The following ROBO2 variants were observed in gnomAD, a reference collection of about 807,000 sequenced individuals.
The protein encoded by ROBO2 is roundabout guidance receptor 2.
ROBO2 carries 53 observed loss-of-function variants against 160.8 expected under a neutral mutation model. The ratio of observed to expected loss-of-function variants is 0.33; its 90% CI spans 0.26 to 0.41. The LOEUF (loss-of-function observed/expected upper bound fraction) is 0.41, where lower values mean the gene tolerates loss of function less well. Among genes scored for constraint, ROBO2 ranks in the 10% least tolerant of loss-of-function variants. ROBO2 has a pLI of 1.00. For synonymous variants in ROBO2, 664 were observed against 611.7 expected (o/e 1.09, Z -1.26); for missense variants, 1,577 against 1,722.4 (o/e 0.92, Z 1.49).
At chr3:77,259,306 C>G (rs1331957686) in intron 2 of ROBO2, among the ~76,000 whole-genome samples, 1 of 152,192 alleles carries the variant, frequency 6.6e-6, no homozygotes, top group Non-Finnish European at 1.5e-5. Context: ...AATTAGCGTT[C>G]ATAGAATGTA....
chr3:77,595,352 TAGAGG>T lies in ROBO2; in HGVS notation c.2726+170_2726+174del, dbSNP rs914862209. 5.1e-4 allele frequency among the ~76,000 whole-genome samples: 78 copies of T among 152,168 alleles called. 3 individuals are homozygous for T. Among genetic ancestry groups the T allele is most frequent in the Non-Finnish European group, 1.3e-4 (9 of 68,014 alleles). On this transcript the variant is annotated intron_variant, in intron 18 of 25. Transcript: ENST00000461745. ...TTAATGATCTATCTGTTGTGCACTT[TAGAGG>T]AATCAAGTCCAGATGTTTCATAACT...
chr3:77,295,915 A>G (rs1416216533), intron 2 of ROBO2, among the ~76,000 whole-genome samples: 1 of 142,150 alleles, frequency 7.0e-6, no homozygotes, highest in Non-Finnish European at 1.6e-5. Context: ...CTGAGGCTAG[A>G]TCACCCAGGC....
At chr3:76,396,577 T>C (rs1050187310) in intron 2 of ROBO2, among the ~76,000 whole-genome samples, 1 of 152,120 alleles carries the variant, frequency 6.6e-6, no homozygotes, top group African/African-American at 2.4e-5. Context: ...GAAAACCCCA[T>C]TGTCTCAGCC....
At chr3:76,511,472 T>G (rs2081085036) in intron 2 of ROBO2, among the ~76,000 whole-genome samples, 1 of 152,238 alleles carries the variant, frequency 6.6e-6, no homozygotes, top group Non-Finnish European at 1.5e-5. Flanking sequence ...AAAATATTTA[T>G]GCCATATATT....
At chr3:77,057,103 A>AC (rs1314635700) in intron 1 of ROBO2, among the ~76,000 whole-genome samples, 1 of 152,190 alleles carries the variant, frequency 6.6e-6, no homozygotes, top group Non-Finnish European at 1.5e-5. Flanking sequence ...AAAATGTGGC[A>AC]ATATACACCA....
chr3:76,413,314 C>A (rs2075592250), intron 2 of ROBO2, among the ~76,000 whole-genome samples: 1 of 152,240 alleles, frequency 6.6e-6, no homozygotes, highest in South Asian at 2.1e-4. Context: ...TATCATGTCA[C>A]CAAATGCTAT....
intron 2 of ROBO2, among the ~76,000 whole-genome samples, chr3:75,954,790 A>G (rs1948668473): frequency 6.6e-6 from 1 of 151,932 alleles, no homozygotes; most frequent in Non-Finnish European, 1.5e-5. Context: ...TTTTGGAAGG[A>G]TACTTATTAA....
intron 2 of ROBO2, among the ~76,000 whole-genome samples, chr3:76,758,618 A>G (rs2061121289): frequency 6.6e-6 from 1 of 151,788 alleles, no homozygotes; most frequent in Non-Finnish European, 1.5e-5. Context: ...CCAACCCATT[A>G]CCTTCTCATC....
intron 2 of ROBO2, among the ~76,000 whole-genome samples, chr3:76,879,194 A>G (rs757678523): frequency 1.7e-4 from 26 of 152,134 alleles, no homozygotes; most frequent in Non-Finnish European, 3.4e-4. Flanking sequence ...TTTATATTGA[A>G]AACATAGTCG....
At chr3:76,969,199 A>G (rs2059450663) in intron 2 of ROBO2, among the ~76,000 whole-genome samples, 1 of 152,194 alleles carries the variant, frequency 6.6e-6, no homozygotes, top group African/African-American at 2.4e-5. Flanking sequence ...TCTATTGCAG[A>G]TTTTAGAATC....
chr3:76,371,141 ACTAGT>A (rs1250099933), intron 2 of ROBO2, among the ~76,000 whole-genome samples: 5 of 151,948 alleles, frequency 3.3e-5, no homozygotes, highest in African/African-American at 7.2e-5. Flanking sequence ...CATTTATGAA[ACTAGT>A]CTAGGAAGTG....
Position 77,574,737 on chromosome 3 carries a change from A to G in ROBO2, c.2203+7A>G. The G allele has an allele frequency of 1.9e-6, 3 of 1,604,364 alleles. No individual in the cohort carries two copies. The highest frequency in any genetic ancestry group is 2.6e-6 in the Non-Finnish European group (3 of 1,171,708). ...GTTCGTACTACTGAAGAAGGTCAGT[A>G]TTCAGATTTCGAATATAAATCAAAC... On this transcript the variant is annotated splice_region_variant and intron_variant, in intron 14 of 25. Transcript: ENST00000461745.
intron 2 of ROBO2, among the ~76,000 whole-genome samples, chr3:77,304,437 C>T (rs1246460206): frequency 6.6e-6 from 1 of 152,086 alleles, no homozygotes; most frequent in Non-Finnish European, 1.5e-5. Context: ...GGGGCCCAGT[C>T]GGCCACATGA....
chr3:76,856,744 C>CT, intron 2 of ROBO2, among the ~76,000 whole-genome samples: 1 of 152,222 alleles, frequency 6.6e-6, no homozygotes, highest in Middle Eastern at 3.4e-3. Flanking sequence ...ATATTACTGG[C>CT]TATCTATTGG....
At chr3:77,195,663 AAT>A (rs2082245648) in intron 2 of ROBO2, among the ~76,000 whole-genome samples, 1 of 152,212 alleles carries the variant, frequency 6.6e-6, no homozygotes, top group African/African-American at 2.4e-5. Flanking sequence ...TTTAGAACGA[AAT>A]ATAAGCAGTT....
intron 2 of ROBO2, among the ~76,000 whole-genome samples, chr3:76,684,780 T>G (rs1222715284): frequency 6.6e-6 from 1 of 152,168 alleles, no homozygotes; most frequent in Non-Finnish European, 1.5e-5. Flanking sequence ...AAATATTTTT[T>G]TATCTTTCTG....
In ROBO2 at chr3:76,676,392, GC is replaced by G. The variant is rs59349537; in HGVS notation, c.110-421619del. Among the ~76,000 whole-genome samples the G allele has an allele frequency of 7.9e-3, 1,190 of 151,342 alleles. 18 individuals carry two copies. The highest frequency in any genetic ancestry group is 0.027 in the African/African-American group (1,117 of 40,686). ...TAGTAAGTTTTCTGAGGCCTCCCTA[GC>G]CCTGCAGAACTGTGAGTCAATTCAA... is the stretch of plus-strand genomic sequence containing the variant. On this transcript the variant is annotated intron_variant, in intron 2 of 26. Transcript: ENST00000487694.
chr3:77,565,250 G>A, intron 12 of ROBO2, 130 bp downstream of exon 13: 2 of 1,087,236 alleles, frequency 1.8e-6, no homozygotes, highest in Non-Finnish European at 2.8e-6. Flanking sequence ...GCTTTATCCA[G>A]GGAAGGAGAA....
At chr3:77,459,940 T>C (rs938104489) in intron 2 of ROBO2, among the ~76,000 whole-genome samples, 7 of 83,504 alleles carry the variant, frequency 8.4e-5, no homozygotes, top group African/African-American at 2.4e-4. Context: ...ATGGGGGTGG[T>C]GGAGTGGGTG....
Sources: gnomAD v4.1 joint callset for allele counts (sites outside exome capture counted in the v4.1 genomes callset) on GRCh38, gnomAD v4.1.1 for gene constraint, MANE v1.5 for transcripts, NCBI Gene and HGNC (gene_info 2026-07-23, HGNC 2026-07-21) for gene names.